The following RPSA2 variants were observed in gnomAD, a reference collection of about 807,000 sequenced individuals.
The protein encoded by RPSA2 is small ribosomal subunit protein uS2B.
chr19:23,820,275 G>A, the RPSA2 span, among the ~76,000 whole-genome samples: 148,975 of 152,300 alleles, frequency 0.98, 72,953 homozygotes, highest in Middle Eastern at 1. Flanking sequence ...TCCTAATAGC[G>A]TCTCTAGTGC....
chr19:23,767,761 G>GTTTT, the RPSA2 span, among the ~76,000 whole-genome samples: 2 of 73,102 alleles, frequency 2.7e-5, no homozygotes, highest in African/African-American at 1.1e-4. Context: ...TTCAATTTCA[G>GTTTT]TTTTTTTTTT....
At chr19:23,830,231 A>G in the RPSA2 span, among the ~76,000 whole-genome samples, 14 of 152,172 alleles carry the variant, frequency 9.2e-5, no homozygotes, top group South Asian at 2.1e-4. Flanking sequence ...TGCAACCTCC[A>G]CTTCCCAGGT....
chr19:23,823,153 C>G, the RPSA2 span, among the ~76,000 whole-genome samples: 1 of 152,192 alleles, frequency 6.6e-6, no homozygotes, highest in African/African-American at 2.4e-5. Flanking sequence ...GAGTTCTCAG[C>G]CTCTGGGGGT....
chr19:23,829,776 A>G, the RPSA2 span, among the ~76,000 whole-genome samples: 3 of 152,200 alleles, frequency 2.0e-5, no homozygotes, highest in Middle Eastern at 6.3e-3. Flanking sequence ...CTTATGTTGT[A>G]TGTTCATTAA....
chr19:23,811,645 A>C, the RPSA2 span, among the ~76,000 whole-genome samples: 1 of 152,038 alleles, frequency 6.6e-6, no homozygotes, highest in African/African-American at 2.4e-5. Flanking sequence ...GTTGTGCCTG[A>C]ATTAAATTAG....
At chr19:23,784,391 C>G in the RPSA2 span, among the ~76,000 whole-genome samples, 149,007 of 152,336 alleles carry the variant, frequency 0.98, 72,967 homozygotes, top group Middle Eastern at 1. Context: ...ATGCACTCCA[C>G]AGTTGGAACT....
the RPSA2 span, among the ~76,000 whole-genome samples, chr19:23,860,599 C>T: frequency 1.3e-5 from 2 of 150,696 alleles, no homozygotes; most frequent in Non-Finnish European, 3.0e-5. Context: ...CCAATGCAAG[C>T]TTGCTGATAG....
the RPSA2 span, among the ~76,000 whole-genome samples, chr19:23,824,820 G>A: frequency 1.2e-4 from 2 of 16,918 alleles, no homozygotes; most frequent in Non-Finnish European, 3.1e-4. Flanking sequence ...AGTATTATTG[G>A]TTAGAAATTT....
chr19:23,771,154 T>C, the RPSA2 span, among the ~76,000 whole-genome samples: 2 of 152,166 alleles, frequency 1.3e-5, no homozygotes, highest in African/African-American at 4.8e-5. Context: ...GTTGTGACAC[T>C]CATATGCATA....
the RPSA2 span, among the ~76,000 whole-genome samples, chr19:23,772,059 T>C: frequency 6.6e-6 from 1 of 152,172 alleles, no homozygotes; most frequent in Non-Finnish European, 1.5e-5. Context: ...ACCTACCACC[T>C]ATGGGATTGC....
the RPSA2 span, among the ~76,000 whole-genome samples, chr19:23,789,683 G>A: frequency 3.3e-5 from 5 of 151,880 alleles, no homozygotes; most frequent in African/African-American, 4.8e-5. Context: ...GTGTCATCAA[G>A]GAACAAAATC....
the RPSA2 span, among the ~76,000 whole-genome samples, chr19:23,867,606 G>A: frequency 1.3e-5 from 2 of 152,176 alleles, no homozygotes; most frequent in South Asian, 2.1e-4. Context: ...AGAGGCGGGT[G>A]GATCATGAGG....
the RPSA2 span, among the ~76,000 whole-genome samples, chr19:23,800,593 G>A: frequency 7.1e-6 from 1 of 140,786 alleles, no homozygotes; most frequent in Non-Finnish European, 1.5e-5. Context: ...CTTCTAGAGG[G>A]GCTAGAGCAG....
chr19:23,837,782 T>C, the RPSA2 span, among the ~76,000 whole-genome samples: 4 of 152,340 alleles, frequency 2.6e-5, no homozygotes, highest in Admixed American at 6.5e-5. Context: ...GAAGAGCTAC[T>C]GATTTGTGTA....
chr19:23,835,149 T>C, the RPSA2 span, among the ~76,000 whole-genome samples: 2 of 152,042 alleles, frequency 1.3e-5, no homozygotes, highest in African/African-American at 4.8e-5. Context: ...ATAATACAAA[T>C]TATATACAAA....
chr19:23,790,366 T>C, the RPSA2 span, among the ~76,000 whole-genome samples: 1 of 152,080 alleles, frequency 6.6e-6, no homozygotes. Flanking sequence ...ACATTTTGAA[T>C]ACATTGAAAA....
At chr19:23,837,465 AT>A in the RPSA2 span, among the ~76,000 whole-genome samples, 17,595 of 151,870 alleles carry the variant, frequency 0.12, 1,081 homozygotes, top group East Asian at 0.22. Flanking sequence ...GCTTCGTATG[AT>A]TTTTTGAATT....
chr19:23,867,828 TCAAA>T, the RPSA2 span, among the ~76,000 whole-genome samples: 4 of 34,064 alleles, frequency 1.2e-4, no homozygotes, highest in South Asian at 3.3e-3. Context: ...AGACTCCGTC[TCAAA>T]AAAAAAAAAA....
At chr19:23,781,186 A>T in the RPSA2 span, among the ~76,000 whole-genome samples, 1 of 151,978 alleles carries the variant, frequency 6.6e-6, no homozygotes, top group African/African-American at 2.4e-5. Flanking sequence ...TGTTGGCCAG[A>T]CTGGTCTCGA....
Sources: gnomAD v4.1 joint callset for allele counts (sites outside exome capture counted in the v4.1 genomes callset) on GRCh38, gnomAD v4.1.1 for gene constraint, MANE v1.5 for transcripts, NCBI Gene and HGNC (gene_info 2026-07-23, HGNC 2026-07-21) for gene names.